The following GPRIN3 variants were observed in gnomAD, a reference collection of about 807,000 sequenced individuals.
The protein encoded by GPRIN3 is GPRIN family member 3.
In GPRIN3, 12 loss-of-function variants were observed where a neutral mutation model predicts 13.7. The ratio of observed to expected loss-of-function variants is 0.87; its 90% CI spans 0.56 to 1.42. The LOEUF (loss-of-function observed/expected upper bound fraction) is 1.42. Among genes scored for constraint, GPRIN3 ranks in the 40% most tolerant of loss-of-function variants. The pLI, the probability that GPRIN3 is intolerant of heterozygous loss-of-function variation, is 0.00. For missense variants in GPRIN3, 1,009 were observed against 958.7 expected, an observed-to-expected ratio of 1.05 and a Z score of -0.69; for synonymous variants, 377 against 372.7, an observed-to-expected ratio of 1.01 and a Z score of -0.13.
At chr4:89,277,234 T>C (rs964350948) in intron 1 of GPRIN3, among the ~76,000 whole-genome samples, 2 of 152,160 alleles carry the variant, frequency 1.3e-5, no homozygotes, top group Non-Finnish European at 2.9e-5. Flanking sequence ...GTAACCATAG[T>C]GGCCAGTATT....
chr4:89,292,203 C>T (rs1724591131), intron 1 of GPRIN3, among the ~76,000 whole-genome samples: 1 of 152,104 alleles, frequency 6.6e-6, no homozygotes, highest in Non-Finnish European at 1.5e-5. Context: ...CTAATTTTGT[C>T]AATTGTGGAA....
chr4:89,264,475 C>T (rs557898851), intron 1 of GPRIN3, among the ~76,000 whole-genome samples: 2 of 152,294 alleles, frequency 1.3e-5, no homozygotes, highest in South Asian at 4.1e-4. Flanking sequence ...TTTATAACAA[C>T]ACAAACAAAC....
At chr4:89,277,965 C>A (rs914477177) in intron 1 of GPRIN3, among the ~76,000 whole-genome samples, 1 of 152,094 alleles carries the variant, frequency 6.6e-6, no homozygotes, top group East Asian at 1.9e-4. Flanking sequence ...TTCACCACCC[C>A]GTATTTTCCT....
intron 1 of GPRIN3, among the ~76,000 whole-genome samples, chr4:89,298,675 GTA>G (rs1216676059): frequency 6.6e-6 from 1 of 150,490 alleles, no homozygotes; most frequent in Admixed American, 6.6e-5. Flanking sequence ...ATATATATAT[GTA>G]TATATATATA....
At chr4:89,258,231 ATT>A (rs34494592) in intron 1 of GPRIN3, among the ~76,000 whole-genome samples, 1 of 147,902 alleles carries the variant, frequency 6.8e-6, no homozygotes. Context: ...AAGCCTGAGC[ATT>A]TTTTTTTTTT....
In GPRIN3 at chr4:89,248,061, C is replaced by T. The variant is rs1285283721; in HGVS notation, c.2050G>A (p.Val684Ile). Reference protein sequence around the residue: ...QLKQSKRVRDVVWDEQGMTWE... With the variant: ...QLKQSKRVRDIVWDEQGMTWE... ...GTCATTCCCTGCTCATCCCACACGA[C>T]GTCCCTGACACGCTTGGACTGTTTC... The change falls in exon 2 of 2, where the codon GTC (valine) becomes ATC (isoleucine). Residue 684 changes from valine to isoleucine, a missense_variant. Val to Ile is a conservative substitution (Grantham distance 29, BLOSUM62 3). Coordinates refer to ENST00000609438, the MANE Select transcript of GPRIN3 (RefSeq NM_198281.3). 6.8e-6 allele frequency: 11 copies of T among 1,614,132 alleles called. No homozygotes were observed. The East Asian group carries it at 1.1e-4, about 16-fold the overall frequency.
chr4:89,298,010 C>T (rs1370289835), intron 1 of GPRIN3, among the ~76,000 whole-genome samples: 1 of 152,024 alleles, frequency 6.6e-6, no homozygotes, highest in Non-Finnish European at 1.5e-5. Flanking sequence ...TTATATTAAC[C>T]TCAAAAATCA....
In GPRIN3 at chr4:89,248,583, T is replaced by C; in HGVS notation, c.1528A>G (p.Lys510Glu). ...TNGHKTDPDCKLSDSCGSISK... is the reference protein window; with the variant it reads ...TNGHKTDPDCELSDSCGSISK... ...ATAGAGCCACAAGAGTCAGATAGTT[T>C]GCAATCTGGGTCTGTTTTGTGGCCG... The change falls in exon 2 of 2, where the codon AAA becomes GAA. Residue 510 changes from lysine (K) to glutamate (E), a missense_variant. By Grantham distance (56) the Lys-to-Glu change is moderately conservative. Coordinates refer to ENST00000609438, the MANE Select transcript of GPRIN3 (RefSeq NM_198281.3). 1 of 1,613,318 alleles carries C rather than the reference T, an allele frequency of 6.2e-7. No individual in the cohort carries two copies. Among genetic ancestry groups the C allele is most frequent in the Non-Finnish European group, 8.5e-7 (1 of 1,179,266 alleles).
chr4:89,249,087 C>A lies in GPRIN3; in HGVS notation c.1024G>T (p.Ala342Ser). 2.5e-6 allele frequency: 4 copies of A among 1,614,198 alleles called. No homozygotes were observed. Among genetic ancestry groups the A allele is most frequent in the Non-Finnish European group, 3.4e-6 (4 of 1,180,030 alleles). The change falls in exon 2 of 2, where the codon GCA becomes TCA. Residue 342 changes from alanine to serine, a missense_variant. Transcript: ENST00000609438. ...GGAGCACGGCTTTCCTTCAGAAATG[C>A]AGTGAGGATACTGGGGCTGGTGGAG... ...SVSTSPSILTAFLKESRAPEH... is the reference protein window; with the variant it reads ...SVSTSPSILTSFLKESRAPEH...
intron 1 of GPRIN3, among the ~76,000 whole-genome samples, chr4:89,270,335 A>T (rs1578092715): frequency 6.6e-6 from 1 of 151,486 alleles, no homozygotes; most frequent in Middle Eastern, 3.4e-3. Context: ...CAAACAAACA[A>T]ACAAACAAAA....
At chr4:89,299,309 G>A (rs764887755) in intron 1 of GPRIN3, among the ~76,000 whole-genome samples, 25 of 152,024 alleles carry the variant, frequency 1.6e-4, no homozygotes, top group Admixed American at 5.2e-4. Flanking sequence ...TTGAAACACC[G>A]ACACTTTAGG....
chr4:89,276,049 TA>T (rs1433808055), intron 1 of GPRIN3, among the ~76,000 whole-genome samples: 1 of 152,146 alleles, frequency 6.6e-6, no homozygotes, highest in Admixed American at 6.5e-5. Context: ...TTGCTATAAT[TA>T]GTAGAATAAG....
At chr4:89,272,297 G>T (rs1189741496) in intron 1 of GPRIN3, among the ~76,000 whole-genome samples, 1 of 152,190 alleles carries the variant, frequency 6.6e-6, no homozygotes, top group Non-Finnish European at 1.5e-5. Flanking sequence ...TGAGTGGAAA[G>T]TGGAAGGCAA....
chr4:89,272,476 T>C (rs1033848261), intron 1 of GPRIN3, among the ~76,000 whole-genome samples: 2 of 152,228 alleles, frequency 1.3e-5, no homozygotes, highest in African/African-American at 2.4e-5. Context: ...TTAGAACTTA[T>C]GAAAATGAAA....
In GPRIN3 at chr4:89,245,743, G is replaced by A. The variant is rs1377405776; in HGVS notation, c.*2037C>T. 6.6e-6 allele frequency: 1 copy of A among 152,186 alleles called. No homozygotes were observed. The highest frequency in any genetic ancestry group is 6.5e-5 in the Admixed American group (1 of 15,280). The allele number at this position is 152,186 out of a possible 1,614,324, so 9.4% of individuals were successfully genotyped here. A position where few individuals can be genotyped will look rare whatever the true frequency, so the allele number is the denominator to read the frequency against. On this transcript the variant is annotated 3_prime_UTR_variant, in exon 2 of 2. Coordinates refer to ENST00000609438, the MANE Select transcript of GPRIN3 (RefSeq NM_198281.3). ...GTTAGAGAGATTATGTCCTGGCAGAGGCATCTGAGACAGAAGTGACACGAA... is the reference window on the plus strand; with the variant it reads ...GTTAGAGAGATTATGTCCTGGCAGAAGCATCTGAGACAGAAGTGACACGAA...
At chr4:89,274,420 T>C (rs1047997934) in intron 1 of GPRIN3, among the ~76,000 whole-genome samples, 2 of 151,970 alleles carry the variant, frequency 1.3e-5, no homozygotes, top group African/African-American at 2.4e-5. Context: ...TTCCAGGGGG[T>C]TCGTGACGTC....
chr4:89,272,434 T>G (rs116530132), intron 1 of GPRIN3, among the ~76,000 whole-genome samples: 112 of 152,314 alleles, frequency 7.4e-4, no homozygotes, highest in African/African-American at 2.6e-3. Flanking sequence ...CACACCAGAG[T>G]GGCAATCACG....
rs1213631234 is a variant in GPRIN3 at position 89,249,977 on chromosome 4, T to C, written c.134A>G (p.Asn45Ser). 5.0e-6 allele frequency: 8 copies of C among 1,614,090 alleles called. No homozygotes were observed. Among genetic ancestry groups the C allele is most frequent in the Admixed American group, 3.3e-5 (2 of 60,008 alleles). ...HRPALLCKNANGFSGAPAEPD... is the reference protein window; with the variant it reads ...HRPALLCKNASGFSGAPAEPD... ...TTCTGCAGGGGCACCTGAAAAGCCA[T>C]TGGCATTCTTACACAGGAGAGCTGG... Residue 45 changes from asparagine (N) to serine (S), a missense_variant, in exon 2 of 2, where the codon AAT (asparagine) becomes AGT (serine). Asn to Ser is a conservative substitution (Grantham distance 46). Transcript: ENST00000609438.
intron 1 of GPRIN3, among the ~76,000 whole-genome samples, chr4:89,257,545 G>T (rs2149261997): frequency 6.6e-6 from 1 of 152,262 alleles, no homozygotes; most frequent in South Asian, 2.1e-4. Context: ...GCTCTATAAG[G>T]ATGGTCTTAC....
Sources: gnomAD v4.1 joint callset for allele counts (sites outside exome capture counted in the v4.1 genomes callset) on GRCh38, gnomAD v4.1.1 for gene constraint, MANE v1.5 for transcripts, NCBI Gene and HGNC (gene_info 2026-07-23, HGNC 2026-07-21) for gene names.